The following WWC2 variants were observed in gnomAD, a reference collection of about 807,000 sequenced individuals.
The protein encoded by WWC2 is WW and C2 domain containing 2.
A neutral mutation model predicts 138.5 loss-of-function variants in WWC2; 101 were observed. That is an observed-to-expected ratio of 0.73 (90% CI 0.62 to 0.86). The LOEUF (loss-of-function observed/expected upper bound fraction) is 0.86. Among genes scored for constraint, WWC2 ranks in the 40% least tolerant of loss-of-function variants. The pLI is 0.00. For missense variants in WWC2, 1,420 were observed against 1,419.4 expected (o/e 1.00, Z -0.01); for synonymous variants, 558 against 538.4 (o/e 1.04, Z -0.50).
chr4:183,114,913 C>CTA (rs1732363006), intron 1 of WWC2, among the ~76,000 whole-genome samples: 20 of 152,112 alleles, frequency 1.3e-4, no homozygotes, highest in Admixed American at 1.0e-3. Flanking sequence ...CCTCTGCCTC[C>CTA]CGGGTTCAAG....
chr4:183,208,651 A>G (rs995551687), intron 3 of WWC2, among the ~76,000 whole-genome samples: 2 of 152,218 alleles, frequency 1.3e-5, no homozygotes, highest in African/African-American at 4.8e-5. Context: ...TTCCTTGATA[A>G]TGCAAAACTC....
intron 9 of WWC2, among the ~76,000 whole-genome samples, chr4:183,255,737 G>T (rs557923783): frequency 1.2e-4 from 19 of 152,276 alleles, no homozygotes; most frequent in African/African-American, 4.6e-4. Context: ...TCCAAAAAAT[G>T]ACTCATGATA....
At chr4:183,173,188 G>A (rs939342834) in intron 1 of WWC2, among the ~76,000 whole-genome samples, 7 of 152,022 alleles carry the variant, frequency 4.6e-5, no homozygotes, top group African/African-American at 7.3e-5. Flanking sequence ...GGGACCACAA[G>A]CATGTGCTGC....
chr4:183,099,874 C>T (rs1743110822), intron 1 of WWC2, among the ~76,000 whole-genome samples: 1 of 152,204 alleles, frequency 6.6e-6, no homozygotes, highest in African/African-American at 2.4e-5. Flanking sequence ...CGGGCCGACG[C>T]CGCGCGCCAG....
chr4:183,222,985 A>G (rs970427369), intron 4 of WWC2, among the ~76,000 whole-genome samples: 1 of 152,154 alleles, frequency 6.6e-6, no homozygotes, highest in Non-Finnish European at 1.5e-5. Flanking sequence ...AATAATAAAA[A>G]TATAGTTACG....
intron 19 of WWC2, among the ~76,000 whole-genome samples, chr4:183,284,828 T>A (rs1163920914): frequency 6.6e-6 from 1 of 152,188 alleles, no homozygotes; most frequent in Admixed American, 6.5e-5. Context: ...TTAATAATGC[T>A]TATAAACACT....
At chr4:183,250,130 G>A (rs1156640778) in intron 8 of WWC2, 137 bp downstream of exon 8, 3 of 705,288 alleles carry the variant, frequency 4.3e-6, no homozygotes, top group South Asian at 2.2e-5. Flanking sequence ...AGCATGTCAG[G>A]GCTGCTTCCT....
At chr4:183,309,148 G>A (rs1473393902) in intron 21 of WWC2, among the ~76,000 whole-genome samples, 1 of 152,106 alleles carries the variant, frequency 6.6e-6, no homozygotes, top group Non-Finnish European at 1.5e-5. Flanking sequence ...GTTACCCTAG[G>A]AGAAAATCTA....
intron 1 of WWC2, among the ~76,000 whole-genome samples, chr4:183,169,249 TTTTAA>T (rs1703681477): frequency 6.6e-6 from 1 of 152,258 alleles, no homozygotes; most frequent in African/African-American, 2.4e-5. Flanking sequence ...CACATGAAAC[TTTTAA>T]TTTTGCTTAA....
chr4:183,147,368 G>A (rs1733491725), intron 1 of WWC2, among the ~76,000 whole-genome samples: 1 of 152,202 alleles, frequency 6.6e-6, no homozygotes, highest in Admixed American at 6.5e-5. Context: ...GGTTTTTTGA[G>A]TTAATGCCAA....
At chr4:183,109,149 C>T (rs1239956263) in intron 1 of WWC2, among the ~76,000 whole-genome samples, 1 of 152,096 alleles carries the variant, frequency 6.6e-6, no homozygotes, top group Non-Finnish European at 1.5e-5. Context: ...TTGTAGGCCT[C>T]ATTTTAGCCC....
At chr4:183,106,629 G>A (rs1743370231) in intron 1 of WWC2, among the ~76,000 whole-genome samples, 1 of 152,086 alleles carries the variant, frequency 6.6e-6, no homozygotes, top group Non-Finnish European at 1.5e-5. Context: ...TCTACTTTGT[G>A]TCTCTGAATT....
At chr4:183,171,281 A>T (rs566308788) in intron 1 of WWC2, among the ~76,000 whole-genome samples, 1 of 152,316 alleles carries the variant, frequency 6.6e-6, no homozygotes, top group African/African-American at 2.4e-5. Context: ...CTTTTCATAT[A>T]TATTATTTGG....
intron 1 of WWC2, among the ~76,000 whole-genome samples, chr4:183,133,300 G>C (rs1175466920): frequency 6.6e-6 from 1 of 151,446 alleles, no homozygotes; most frequent in Non-Finnish European, 1.5e-5. Flanking sequence ...GACTATAGGA[G>C]CACACCCCCT....
chr4:183,251,393 T>A (rs575216546), intron 8 of WWC2, among the ~76,000 whole-genome samples: 2 of 152,254 alleles, frequency 1.3e-5, no homozygotes, highest in East Asian at 3.8e-4. Context: ...CTTGGAGAAC[T>A]GGGCCTTAAG....
At chr4:183,162,732 C>G (rs2111143649) in intron 1 of WWC2, among the ~76,000 whole-genome samples, 1 of 152,240 alleles carries the variant, frequency 6.6e-6, no homozygotes, top group East Asian at 1.9e-4. Context: ...TTACCCCATT[C>G]CTTCTTCCCA....
At chr4:183,124,212 G>T (rs182972160) in intron 1 of WWC2, among the ~76,000 whole-genome samples, 1 of 152,244 alleles carries the variant, frequency 6.6e-6, no homozygotes, top group East Asian at 1.9e-4. Flanking sequence ...GTCTTCAGGG[G>T]TCAGTTTGGT....
At chr4:183,171,643 TAACA>T (rs763741590) in intron 1 of WWC2, among the ~76,000 whole-genome samples, 72 of 40,968 alleles carry the variant, frequency 1.8e-3, no homozygotes, top group Non-Finnish European at 2.8e-3. Flanking sequence ...TGTAAATGAT[TAACA>T]AACACTCAAA....
rs34769415 is a variant in WWC2 at position 183,234,267 on chromosome 4, GTA to G, written c.523-5915_523-5914del. On this transcript the variant is annotated intron_variant, in intron 4 of 22. Coordinates refer to ENST00000403733, the MANE Select transcript of WWC2 (RefSeq NM_024949.6). The stretch of plus-strand genomic sequence containing the variant: ...TATCAGTTGCTTTAGCGTAGTTAGT[GTA>G]GACAGTGGGAAATGTGCAGAAATTG... Among the ~76,000 whole-genome samples, 591 of 152,324 alleles carry G rather than the reference GTA, an allele frequency of 3.9e-3. 3 individuals are homozygous for G. Among genetic ancestry groups the G allele is most frequent in the African/African-American group, 0.014 (566 of 41,572 alleles).
Sources: allele counts gnomAD v4.1 joint callset (sites outside exome capture counted in the v4.1 genomes callset), GRCh38; gene constraint gnomAD v4.1.1; transcripts MANE v1.5; gene names NCBI Gene and HGNC (gene_info 2026-07-23, HGNC 2026-07-21).